Variants in LIMCH1 observed in about 807,000 individuals in gnomAD.
LIMCH1 encodes LIM and calponin homology domains-containing protein 1.
LIMCH1 carries 113 observed loss-of-function variants against 176.5 expected under a neutral mutation model. That is an observed-to-expected ratio of 0.64 (90% CI 0.55 to 0.75). LIMCH1 has a LOEUF of 0.75. LIMCH1 is among the 30% of genes least tolerant of loss of function. The pLI, the probability that LIMCH1 is intolerant of heterozygous loss-of-function variation, is 0.00. For synonymous variants in LIMCH1, 619 were observed against 645.9 expected, an observed-to-expected ratio of 0.96 and a Z score of 0.63; for missense variants, 1,674 against 1,814.9, an observed-to-expected ratio of 0.92 and a Z score of 1.41.
intron 2 of LIMCH1, among the ~76,000 whole-genome samples, chr4:41,505,178 A>G (rs569026686): frequency 2.6e-5 from 4 of 152,322 alleles, no homozygotes; most frequent in South Asian, 2.1e-4. Context: ...TGAGGTTTCT[A>G]GGAGATTCCA....
At chr4:41,364,158 T>C (rs997944671) in intron 1 of LIMCH1, among the ~76,000 whole-genome samples, 1 of 152,230 alleles carries the variant, frequency 6.6e-6, no homozygotes, top group African/African-American at 2.4e-5. Flanking sequence ...TGAGAGCATC[T>C]GTAAAACAGG....
intron 17 of LIMCH1, 54 bp downstream of exon 17, chr4:41,646,947 G>T: frequency 6.8e-7 from 1 of 1,464,374 alleles, no homozygotes; most frequent in Admixed American, 1.9e-5. Flanking sequence ...GGAGTGGATG[G>T]AAAGAAGCAT....
At chr4:41,604,389 A>T (rs1451437642) in intron 3 of LIMCH1, 1 of 187,444 alleles carries the variant, frequency 5.3e-6, no homozygotes, top group Non-Finnish European at 1.0e-5. Context: ...AACTTTTTGT[A>T]GATCTTATTT....
upstream of LIMCH1, among the ~76,000 whole-genome samples, chr4:41,537,791 T>C (rs1283913023): frequency 6.6e-6 from 1 of 152,196 alleles, no homozygotes; most frequent in African/African-American, 2.4e-5. Flanking sequence ...GGTCTTAGAA[T>C]CCCAGAACTA....
chr4:41,637,778 A>G (rs1585165302), intron 13 of LIMCH1, among the ~76,000 whole-genome samples: 2 of 152,246 alleles, frequency 1.3e-5, no homozygotes, highest in South Asian at 4.2e-4. Context: ...CATAAGAGAG[A>G]AGGGGGTATG....
chr4:41,500,773 G>A lies in LIMCH1; in HGVS notation c.167+6167G>A, dbSNP rs562207441. On this transcript the variant is annotated intron_variant, in intron 2 of 26. Coordinates refer to the LIMCH1 transcript ENST00000313860. ...TAAGAGACAGACAGGCACTAGAAGAGTATAACCATCAAGGGCCTGGTAGTC... is the reference window on the plus strand; with the variant it reads ...TAAGAGACAGACAGGCACTAGAAGAATATAACCATCAAGGGCCTGGTAGTC... Among the ~76,000 whole-genome samples the A allele has an allele frequency of 5.3e-5, 8 of 152,322 alleles. No individual in the cohort carries two copies. The South Asian group carries it at 1.7e-3, about 32-fold the overall frequency.
chr4:41,680,015 C>G lies in LIMCH1; in HGVS notation c.3529C>G (p.Gln1177Glu). Reference sequence around the variant, plus strand: ...GGAAATTCCATAACAGGAGAGATACCAGAAGGAGCAGGACAAGCTGAAAGA... The same window carrying G: ...GGAAATTCCATAACAGGAGAGATACGAGAAGGAGCAGGACAAGCTGAAAGA... ...EQERLLQERY[Q>E]KEQDKLKEEW... The change falls in exon 24 of 32, where the codon CAG (glutamine) becomes GAG (glutamate). Residue 1177 changes from glutamine to glutamate, a missense_variant. Gln to Glu is a conservative substitution (Grantham distance 29, BLOSUM62 2). Around this residue, in one of 3 missense-constraint regions of LIMCH1, gnomAD observed 1,015 missense variants for 1,102.5 expected, o/e 0.92. Transcript: ENST00000503057. 2.5e-6 allele frequency: 4 copies of G among 1,608,378 alleles called. No individual in the cohort carries two copies. The highest frequency in any genetic ancestry group is 3.4e-6 in the Non-Finnish European group (4 of 1,177,080).
At chr4:41,565,953 AT>A (rs1393983056) in intron 1 of LIMCH1, among the ~76,000 whole-genome samples, 1 of 152,176 alleles carries the variant, frequency 6.6e-6, no homozygotes, top group Non-Finnish European at 1.5e-5. Context: ...GGAATTTCTT[AT>A]TTAACCCTGA....
At chr4:41,623,034 C>A (rs2092695918) in intron 7 of LIMCH1, among the ~76,000 whole-genome samples, 1 of 152,212 alleles carries the variant, frequency 6.6e-6, no homozygotes, top group African/African-American at 2.4e-5. Context: ...ATGCCACCAG[C>A]CTGGCATGTC....
chr4:41,595,975 A>G (rs1367976795), intron 1 of LIMCH1, among the ~76,000 whole-genome samples: 1 of 150,124 alleles, frequency 6.7e-6, no homozygotes. Flanking sequence ...TCTTGAACCT[A>G]GGAGGTGGAG....
chr4:41,548,032 T>A (rs1016883485), intron 1 of LIMCH1, among the ~76,000 whole-genome samples: 2 of 151,430 alleles, frequency 1.3e-5, no homozygotes, highest in African/African-American at 2.4e-5. Context: ...AGCATAGTAA[T>A]AGTACCTAAC....
intron 2 of LIMCH1, among the ~76,000 whole-genome samples, chr4:41,514,037 A>AAAAAG (rs2075282857): frequency 7.1e-6 from 1 of 140,332 alleles, no homozygotes; most frequent in Admixed American, 7.0e-5. Flanking sequence ...AAAAAAAAAA[A>AAAAAG]AAAAAAAAAA....
intron 1 of LIMCH1, among the ~76,000 whole-genome samples, chr4:41,362,200 G>A (rs1581002259): frequency 6.6e-6 from 1 of 152,246 alleles, no homozygotes; most frequent in Non-Finnish European, 1.5e-5. Flanking sequence ...GCAAGCAAGA[G>A]TGCTACTTGA....
At chr4:41,488,262 A>G (rs1029542442) in intron 1 of LIMCH1, among the ~76,000 whole-genome samples, 2 of 152,362 alleles carry the variant, frequency 1.3e-5, no homozygotes. Context: ...AGTTAGTATT[A>G]TAGAGAGGCT....
intron 3 of LIMCH1, among the ~76,000 whole-genome samples, chr4:41,529,755 CT>C (rs1323628465): frequency 6.6e-6 from 1 of 151,996 alleles, no homozygotes; most frequent in African/African-American, 2.4e-5. Context: ...AAGTTCATCT[CT>C]TTTTTTTCTT....
At chr4:41,613,070 C>G (rs927167675) in intron 4 of LIMCH1, 2 of 1,552,182 alleles carry the variant, frequency 1.3e-6, no homozygotes, top group Middle Eastern at 1.7e-4. Context: ...GACAGACATG[C>G]AGTTATGGAT....
At chr4:41,544,552 A>G (rs1306303924) in intron 1 of LIMCH1, among the ~76,000 whole-genome samples, 2 of 152,190 alleles carry the variant, frequency 1.3e-5, no homozygotes, top group African/African-American at 4.8e-5. Flanking sequence ...TGGTTCCCTA[A>G]TTATTCCATT....
intron 22 of LIMCH1, among the ~76,000 whole-genome samples, chr4:41,675,781 A>G (rs2095197850): frequency 6.6e-6 from 1 of 151,002 alleles, no homozygotes; most frequent in Non-Finnish European, 1.5e-5. Context: ...AAAACCTTTT[A>G]TTAATACAAA....
At chr4:41,490,136 T>C (rs1400241370) in intron 1 of LIMCH1, among the ~76,000 whole-genome samples, 1 of 151,950 alleles carries the variant, frequency 6.6e-6, no homozygotes, top group Non-Finnish European at 1.5e-5. Context: ...ATGGAGCAAA[T>C]AGAAAGAGAG....
Sources: gnomAD v4.1 joint callset for allele counts (sites outside exome capture counted in the v4.1 genomes callset) on GRCh38, gnomAD v4.1.1 for gene constraint, gnomAD v4.1.1 regional missense constraint, MANE v1.5 for transcripts, NCBI Gene and HGNC (gene_info 2026-07-23, HGNC 2026-07-21) for gene names.